DCDC2: variants seen among roughly 807,000 people sequenced by gnomAD.
DCDC2 encodes doublecortin domain containing 2.
A neutral mutation model predicts 50.2 loss-of-function variants in DCDC2; 40 were observed. That is an observed-to-expected ratio of 0.80 (90% confidence interval 0.62 to 1.04). The LOEUF is 1.04. Among genes scored for constraint, DCDC2 ranks in the 50% least tolerant of loss-of-function variants. The probability of loss-of-function intolerance (pLI) is 0.00; values close to 1 mark genes in which losing one functional copy is unlikely to be tolerated. For synonymous variants in DCDC2, 234 were observed against 210.6 expected, an observed-to-expected ratio of 1.11 and a Z score of -0.96; for missense variants, 570 against 581.9, an observed-to-expected ratio of 0.98 and a Z score of 0.21.
chr6:24,366,195 C>G, the DCDC2 span, among the ~76,000 whole-genome samples: 1 of 152,112 alleles, frequency 6.6e-6, no homozygotes, highest in African/African-American at 2.4e-5. Flanking sequence ...AAACCAGAAA[C>G]ATTAAACTTT....
At chr6:24,285,053 T>TGC (rs1763567293) in intron 6 of DCDC2, among the ~76,000 whole-genome samples, 1 of 151,546 alleles carries the variant, frequency 6.6e-6, no homozygotes, top group South Asian at 2.1e-4. Context: ...CACACATACA[T>TGC]GCACACACAC....
intron 2 of DCDC2, among the ~76,000 whole-genome samples, chr6:24,344,220 A>T (rs1760212956): frequency 6.6e-6 from 1 of 152,196 alleles, no homozygotes; most frequent in East Asian, 1.9e-4. Flanking sequence ...TCAGCCATAA[A>T]AACAAAAGAA....
chr6:24,360,363 T>C (rs1174320813), upstream of DCDC2, among the ~76,000 whole-genome samples: 2 of 152,176 alleles, frequency 1.3e-5, no homozygotes, highest in East Asian at 1.9e-4. Flanking sequence ...CCTGTGCTAG[T>C]TGGGGCCACG....
At chr6:24,278,892 G>C (rs1044104386) in intron 6 of DCDC2, among the ~76,000 whole-genome samples, 2 of 152,114 alleles carry the variant, frequency 1.3e-5, no homozygotes, top group African/African-American at 4.8e-5. Flanking sequence ...CGCAAATCCA[G>C]AGCCACACAC....
At chr6:24,204,401 A>T (rs1275946302) in intron 8 of DCDC2, among the ~76,000 whole-genome samples, 1 of 152,150 alleles carries the variant, frequency 6.6e-6, no homozygotes, top group Non-Finnish European at 1.5e-5. Flanking sequence ...AAAACCAAAC[A>T]CTACACATTC....
intron 2 of DCDC2, among the ~76,000 whole-genome samples, chr6:24,344,414 C>T (rs530125111): frequency 7.9e-5 from 12 of 152,232 alleles, no homozygotes; most frequent in African/African-American, 2.2e-4. Flanking sequence ...TTTCTCTTTG[C>T]TTAGAACAGC....
intron 7 of DCDC2, among the ~76,000 whole-genome samples, chr6:24,207,095 G>A (rs562808158): frequency 2.0e-5 from 3 of 152,184 alleles, no homozygotes; most frequent in African/African-American, 4.8e-5. Context: ...TTAATTTTTC[G>A]AGAAAACTAT....
chr6:24,212,949 C>A (rs558728512), intron 7 of DCDC2, among the ~76,000 whole-genome samples: 1 of 152,246 alleles, frequency 6.6e-6, no homozygotes, highest in East Asian at 1.9e-4. Flanking sequence ...TTTAGCTTTT[C>A]TGCAACTAGG....
intron 7 of DCDC2, among the ~76,000 whole-genome samples, chr6:24,206,588 C>T (rs1761721579): frequency 6.6e-6 from 1 of 152,160 alleles, no homozygotes; most frequent in Admixed American, 6.5e-5. Context: ...ACTACAAAGG[C>T]AGGCCTATAG....
chr6:24,183,852 G>T (rs1244111983), intron 8 of DCDC2, among the ~76,000 whole-genome samples: 3 of 152,158 alleles, frequency 2.0e-5, no homozygotes, highest in African/African-American at 7.2e-5. Flanking sequence ...GCAGTTAAGG[G>T]CATGTGTCGG....
At chr6:24,382,009 A>AGGCAGGCAGGCAGGCAGGC in the DCDC2 span, among the ~76,000 whole-genome samples, 4 of 116,502 alleles carry the variant, frequency 3.4e-5, no homozygotes, top group East Asian at 1.1e-3. Flanking sequence ...GGAAGGAAGG[A>AGGCAGGCAGGCAGGCAGGC]AGGCAGGCAA....
In DCDC2 at chr6:24,301,795, G is replaced by A; in HGVS notation, c.477C>T (p.Pro159=). ...GATCCCACTGATTCAAGGTTTTTCT[G>A]GGGATAAGGAGGCGAGAAGCTGGGT... ...LINPASRLLI[P]RKTLNQWDHV... The change falls in exon 4 of 10, where the codon CCC becomes CCT. Residue 159 remains proline, a synonymous_variant. Coordinates refer to ENST00000378454, the MANE Select transcript of DCDC2 (RefSeq NM_016356.5). 1 of 1,614,152 alleles carries A rather than the reference G, an allele frequency of 6.2e-7. No homozygotes were observed. The highest frequency in any genetic ancestry group is 8.5e-7 in the Non-Finnish European group (1 of 1,180,014).
At chr6:24,367,365 G>C in the DCDC2 span, among the ~76,000 whole-genome samples, 1 of 152,246 alleles carries the variant, frequency 6.6e-6, no homozygotes, top group Non-Finnish European at 1.5e-5. Context: ...GATTCAGAGA[G>C]AAGTTCCCCA....
intron 7 of DCDC2, among the ~76,000 whole-genome samples, chr6:24,218,044 C>A (rs536336679): frequency 2.0e-5 from 3 of 151,932 alleles, no homozygotes; most frequent in African/African-American, 4.8e-5. Flanking sequence ...TTAAGCAATT[C>A]TATTGGACTC....
At chr6:24,271,624 A>C (rs1763240955) in intron 7 of DCDC2, among the ~76,000 whole-genome samples, 1 of 152,172 alleles carries the variant, frequency 6.6e-6, no homozygotes, top group South Asian at 2.1e-4. Flanking sequence ...AACAGAGGGC[A>C]GTTCTGCATC....
intron 7 of DCDC2, among the ~76,000 whole-genome samples, chr6:24,231,734 T>C (rs1762340628): frequency 6.6e-6 from 1 of 151,902 alleles, no homozygotes; most frequent in African/African-American, 2.4e-5. Flanking sequence ...ATTTATGTGA[T>C]GAAAAGGTTG....
chr6:24,301,594 G>T, intron 4 of DCDC2, 121 bp downstream of exon 4: 1 of 1,077,674 alleles, frequency 9.3e-7, no homozygotes, highest in Non-Finnish European at 1.4e-6. Flanking sequence ...AAGAAACTGA[G>T]GCATACGGGG....
At position 24,197,015 on chromosome 6, in the gene DCDC2, G is replaced by A. The variant is rs533726081; in HGVS notation, c.1023+7987C>T. ...CCTGACTTCATAAGCACCTCGTATC[G>A]AACAAATAAACTAGGCAATCCCAAT... On this transcript the variant is annotated intron_variant, in intron 8 of 9. Coordinates refer to ENST00000378454, the MANE Select transcript of DCDC2 (RefSeq NM_016356.5). Among the ~76,000 whole-genome samples, 22 of 152,238 alleles carry A rather than the reference G, an allele frequency of 1.4e-4. No individual in the cohort carries two copies. In the South Asian group the frequency reaches 1.9e-3, roughly 13 times the overall value.
At chr6:24,311,186 C>T (rs985720149) in intron 2 of DCDC2, among the ~76,000 whole-genome samples, 8 of 152,210 alleles carry the variant, frequency 5.3e-5, no homozygotes, top group Non-Finnish European at 1.0e-4. Context: ...TCCTACCACA[C>T]TGTAACCTTA....
Sources: gnomAD v4.1 joint callset for allele counts (sites outside exome capture counted in the v4.1 genomes callset) on GRCh38, gnomAD v4.1.1 for gene constraint, MANE v1.5 for transcripts, NCBI Gene and HGNC (gene_info 2026-07-23, HGNC 2026-07-21) for gene names.